Variants in PRKG1 observed in about 807,000 individuals in gnomAD.
PRKG1 encodes protein kinase cGMP-dependent 1.
A neutral mutation model predicts 88.1 loss-of-function variants in PRKG1; 35 were observed. The ratio of observed to expected loss-of-function variants is 0.40; its 90% CI spans 0.30 to 0.53. PRKG1 has a LOEUF of 0.53. PRKG1 is among the 20% of genes least tolerant of loss of function. PRKG1 has a pLI of 0.59. For synonymous variants in PRKG1, 303 were observed against 292.5 expected, an observed-to-expected ratio of 1.04 and a Z score of -0.37; for missense variants, 540 against 839.8, an observed-to-expected ratio of 0.64 and a Z score of 4.41.
rs2133254714 is a variant in PRKG1 at position 52,054,536 on chromosome 10, C to A, written c.815C>A (p.Thr272Asn). 1.2e-6 allele frequency: 2 copies of A among 1,613,846 alleles called. No individual in the cohort carries two copies. Among genetic ancestry groups the A allele is most frequent in the Non-Finnish European group, 1.7e-6 (2 of 1,179,900 alleles). ...ATCAGGCAAGGTGCAAGAGGGGACA[C>A]CTTCTTTATCATCAGCAAAGGAACG... ...YIIRQGARGD[T>N]FFIISKGTVN... The change falls in exon 6 of 18, where the codon ACC becomes AAC. Residue 272 changes from threonine to asparagine, a missense_variant. Thr to Asn is a moderately conservative substitution (Grantham distance 65). This residue lies in a region of PRKG1 where 400 missense variants were observed against 562.7 expected (regional missense o/e 0.71). Coordinates refer to ENST00000373980, the MANE Select transcript of PRKG1 (RefSeq NM_006258.4).
intron 3 of PRKG1, among the ~76,000 whole-genome samples, chr10:51,643,963 G>T (rs1839859604): frequency 6.6e-6 from 1 of 151,998 alleles, no homozygotes; most frequent in African/African-American, 2.4e-5. Context: ...TCTCATATTT[G>T]CTTTGAAACA....
At chr10:51,835,166 GT>G (rs369254083) in intron 4 of PRKG1, among the ~76,000 whole-genome samples, 1 of 152,302 alleles carries the variant, frequency 6.6e-6, no homozygotes, top group African/African-American at 2.4e-5. Flanking sequence ...AGAAGCTTCT[GT>G]CCCCAGAGAG....
At chr10:51,206,600 CA>C (rs1213850653) in intron 2 of PRKG1, among the ~76,000 whole-genome samples, 11 of 152,002 alleles carry the variant, frequency 7.2e-5, no homozygotes, top group Non-Finnish European at 1.6e-4. Context: ...AAAGATCACA[CA>C]TTGAGCTGTA....
intron 3 of PRKG1, among the ~76,000 whole-genome samples, chr10:51,469,130 A>G (rs2132817932): frequency 6.6e-6 from 1 of 151,940 alleles, no homozygotes; most frequent in East Asian, 1.9e-4. Flanking sequence ...ATCTGCCACA[A>G]CTTTTAACTT....
chr10:52,055,465 T>A (rs1184568590), intron 6 of PRKG1, among the ~76,000 whole-genome samples: 2 of 152,308 alleles, frequency 1.3e-5, no homozygotes, highest in Non-Finnish European at 2.9e-5. Flanking sequence ...TCTAAAACTT[T>A]TAATTTTTCA....
intron 2 of PRKG1, among the ~76,000 whole-genome samples, chr10:51,414,706 A>G (rs1022217482): frequency 6.6e-6 from 1 of 152,242 alleles, no homozygotes; most frequent in African/African-American, 2.4e-5. Context: ...GAGATTTACT[A>G]TAAAATACAT....
intron 2 of PRKG1, among the ~76,000 whole-genome samples, chr10:51,285,773 C>T (rs1840424061): frequency 6.6e-6 from 1 of 152,078 alleles, no homozygotes; most frequent in Non-Finnish European, 1.5e-5. Flanking sequence ...AGGGCTGAGG[C>T]AAAGTGATAT....
chr10:51,808,506 C>A (rs886524622), intron 4 of PRKG1, among the ~76,000 whole-genome samples: 1 of 151,876 alleles, frequency 6.6e-6, no homozygotes, highest in African/African-American at 2.4e-5. Flanking sequence ...AGGAGGCTGA[C>A]GGGGGAGGAT....
chr10:51,343,918 A>G (rs1413503851), intron 2 of PRKG1, among the ~76,000 whole-genome samples: 2 of 152,168 alleles, frequency 1.3e-5, no homozygotes, highest in African/African-American at 4.8e-5. Flanking sequence ...CAACTGGTAG[A>G]GAGATTTGTT....
intron 7 of PRKG1, among the ~76,000 whole-genome samples, chr10:52,129,102 C>T (rs1837180682): frequency 6.6e-6 from 1 of 152,106 alleles, no homozygotes; most frequent in Non-Finnish European, 1.5e-5. Flanking sequence ...AAAGTAAGTT[C>T]AGTTTTTAAA....
intron 4 of PRKG1, among the ~76,000 whole-genome samples, chr10:51,886,297 C>A (rs1399259885): frequency 1.3e-5 from 2 of 152,048 alleles, no homozygotes; most frequent in African/African-American, 4.8e-5. Flanking sequence ...TATATATTTT[C>A]TAGAATTTCT....
chr10:51,681,650 A>G (rs1355351951), intron 3 of PRKG1, among the ~76,000 whole-genome samples: 2 of 152,180 alleles, frequency 1.3e-5, no homozygotes, highest in Non-Finnish European at 2.9e-5. Flanking sequence ...TGTCATTTTA[A>G]TACACTTCAC....
At chr10:51,095,889 A>AT (rs1368803434) in intron 1 of PRKG1, among the ~76,000 whole-genome samples, 1 of 152,156 alleles carries the variant, frequency 6.6e-6, no homozygotes, top group African/African-American at 2.4e-5. Context: ...GGAAAAATAA[A>AT]TTGAGGACTT....
In PRKG1 at chr10:51,737,740, A is replaced by ATTATT. The variant is rs765792966; in HGVS notation, c.593-66845_593-66844insTTATT. Among the ~76,000 whole-genome samples the ATTATT allele has an allele frequency of 9.9e-3, 1,318 of 133,360 alleles. 26 individuals are homozygous for ATTATT. The highest frequency in any genetic ancestry group is 0.044 in the Admixed American group (568 of 12,980). 87.5% of individuals were successfully genotyped at this position (133,360 alleles called of 152,430 possible). Reference sequence around the variant, plus strand: ...TTATTTATTTATTTATTTATTTATTAATTATTATTATTATTATTATTATTA... The same window carrying ATTATT: ...TTATTTATTTATTTATTTATTTATTATTATTATTATTATTATTATTATTATTATTA... On this transcript the variant is annotated intron_variant, in intron 3 of 17. Coordinates refer to ENST00000373980, the MANE Select transcript of PRKG1 (RefSeq NM_006258.4).
At chr10:51,441,420 T>C (rs1839100058) in intron 2 of PRKG1, among the ~76,000 whole-genome samples, 1 of 152,042 alleles carries the variant, frequency 6.6e-6, no homozygotes, top group East Asian at 1.9e-4. Flanking sequence ...ACACTTTTTA[T>C]ATGATACTTG....
chr10:51,654,623 A>G (rs867121878), intron 3 of PRKG1, among the ~76,000 whole-genome samples: 1 of 152,308 alleles, frequency 6.6e-6, no homozygotes, highest in South Asian at 2.1e-4. Flanking sequence ...TATCTTTAAA[A>G]TAAGGTTTTC....
At chr10:52,284,131 C>A (rs1156306344) in intron 14 of PRKG1, among the ~76,000 whole-genome samples, 1 of 151,640 alleles carries the variant, frequency 6.6e-6, no homozygotes, top group African/African-American at 2.4e-5. Flanking sequence ...CAATATCTGA[C>A]TGGAATATAA....
At chr10:52,098,191 A>G (rs868765172) in intron 7 of PRKG1, among the ~76,000 whole-genome samples, 2 of 152,150 alleles carry the variant, frequency 1.3e-5, no homozygotes, top group Non-Finnish European at 2.9e-5. Flanking sequence ...AGATACCACA[A>G]ATGTTTTTTA....
chr10:51,630,712 A>T (rs1256588270), intron 3 of PRKG1, among the ~76,000 whole-genome samples: 1 of 152,168 alleles, frequency 6.6e-6, no homozygotes, highest in African/African-American at 2.4e-5. Context: ...TCTGCTATTC[A>T]TCAAATCGTC....
Sources: gnomAD v4.1 joint callset for allele counts (sites outside exome capture counted in the v4.1 genomes callset) on GRCh38, gnomAD v4.1.1 for gene constraint, gnomAD v4.1.1 regional missense constraint, MANE v1.5 for transcripts, NCBI Gene and HGNC (gene_info 2026-07-23, HGNC 2026-07-21) for gene names.